Variants in MCMBP observed in about 807,000 individuals in gnomAD.
MCMBP encodes mini-chromosome maintenance complex-binding protein.
A neutral mutation model predicts 81.3 loss-of-function variants in MCMBP; 31 were observed. The ratio of observed to expected loss-of-function variants is 0.38; its 90% CI spans 0.29 to 0.51. MCMBP has a LOEUF of 0.51. Ranked by LOEUF, MCMBP falls within the 20% of genes least tolerant of loss-of-function variation. The pLI, the probability that MCMBP is intolerant of heterozygous loss-of-function variation, is 0.87. For missense variants in MCMBP, 645 were observed against 772.1 expected, an observed-to-expected ratio of 0.84 and a Z score of 1.95; for synonymous variants, 267 against 275.9, an observed-to-expected ratio of 0.97 and a Z score of 0.32.
chr10:119,873,040 A>ACGGGCTCCAAGGGCGG (rs1192768623), upstream of MCMBP, among the ~76,000 whole-genome samples: 14 of 151,504 alleles, frequency 9.2e-5, no homozygotes, highest in Non-Finnish European at 8.8e-5. Context: ...GGGCCCGGCG[A>ACGGGCTCCAAGGGCGG]CGCGCTCCAA....
At chr10:119,868,244 G>T (rs1853542514) in intron 1 of MCMBP, among the ~76,000 whole-genome samples, 1 of 152,118 alleles carries the variant, frequency 6.6e-6, no homozygotes, top group African/African-American at 2.4e-5. Context: ...TGGCCAACAT[G>T]GCAAAACCCT....
intron 1 of MCMBP, among the ~76,000 whole-genome samples, chr10:119,871,505 A>C (rs1342269339): frequency 1.3e-5 from 2 of 152,212 alleles, no homozygotes; most frequent in Non-Finnish European, 2.9e-5. Context: ...TTACAGGTAA[A>C]TTAATAAGGA....
At chr10:119,861,132 A>G (rs751103086) in intron 1 of MCMBP, among the ~76,000 whole-genome samples, 6 of 152,204 alleles carry the variant, frequency 3.9e-5, no homozygotes, top group Non-Finnish European at 8.8e-5. Context: ...GATTTGGAGT[A>G]AAAAATAAAA....
chr10:119,841,760 C>T (rs1305402894), intron 10 of MCMBP, among the ~76,000 whole-genome samples: 1 of 152,184 alleles, frequency 6.6e-6, no homozygotes, highest in Non-Finnish European at 1.5e-5. Flanking sequence ...AAATGAGAAA[C>T]AAAGAAATAC....
At position 119,838,097 on chromosome 10, in the gene MCMBP, A is replaced by G. The variant is rs77984039; in HGVS notation, c.1408+438T>C. On this transcript the variant is annotated intron_variant, in intron 12 of 15. Transcript: ENST00000369077. ...CTGTAGGCCCATAAAGACTGCTCCA[A>G]CCATTCGCTGACACAATAAAACTTT... Among the ~76,000 whole-genome samples the G allele has an allele frequency of 1.1e-4, 17 of 151,982 alleles. 1 individual carries two copies. In the East Asian group the frequency reaches 3.3e-3, roughly 29 times the overall value.
In MCMBP at chr10:119,835,780, T is replaced by C; in HGVS notation, c.1543-76A>G. On this transcript the variant is annotated intron_variant, in intron 13 of 15. Transcript: ENST00000369077. ...CATTTTTAAAGAAAGATGCATCATC[T>C]CTGTCAGCCCCTATGGGAATTAGAA... The C allele has an allele frequency of 3.4e-6, 5 of 1,451,086 alleles. No individual in the cohort carries two copies. The South Asian group carries it at 4.7e-5, about 14-fold the overall frequency. The allele number at this position is 1,451,086 out of a possible 1,614,324, so 89.9% of individuals were successfully genotyped here.
At chr10:119,863,426 G>T (rs150667351) in intron 1 of MCMBP, among the ~76,000 whole-genome samples, 1 of 152,052 alleles carries the variant, frequency 6.6e-6, no homozygotes, top group African/African-American at 2.4e-5. Flanking sequence ...ATTAGCTTTT[G>T]TATCTTTATT....
chr10:119,838,242 T>C (rs1053049343), intron 12 of MCMBP, among the ~76,000 whole-genome samples: 1 of 148,268 alleles, frequency 6.7e-6, no homozygotes, highest in African/African-American at 2.5e-5. Context: ...ATATATAATA[T>C]ATGATATATA....
chr10:119,848,334 G>A (rs1317853454), intron 7 of MCMBP, among the ~76,000 whole-genome samples: 1 of 152,122 alleles, frequency 6.6e-6, no homozygotes, highest in Admixed American at 6.6e-5. Context: ...CTGAGAATCT[G>A]GGTGCAGTGG....
intron 5 of MCMBP, among the ~76,000 whole-genome samples, chr10:119,854,937 A>G (rs943097886): frequency 2.0e-5 from 3 of 150,704 alleles, no homozygotes; most frequent in African/African-American, 7.3e-5. Flanking sequence ...CTGGTGACAG[A>G]GCAGGACTCT....
At chr10:119,833,144 A>AT (rs1465137725) in intron 14 of MCMBP, among the ~76,000 whole-genome samples, 1 of 152,198 alleles carries the variant, frequency 6.6e-6, no homozygotes, top group Non-Finnish European at 1.5e-5. Flanking sequence ...ATTTAAGGAA[A>AT]TTTCTTTCCA....
At chr10:119,843,724 C>T (rs1236419138) in intron 8 of MCMBP, among the ~76,000 whole-genome samples, 5 of 151,772 alleles carry the variant, frequency 3.3e-5, no homozygotes, top group African/African-American at 2.4e-5. Context: ...TGCAGTGATG[C>T]GATCTTGGCT....
At chr10:119,854,017 A>G (rs920550326) in intron 5 of MCMBP, among the ~76,000 whole-genome samples, 1 of 151,220 alleles carries the variant, frequency 6.6e-6, no homozygotes, top group African/African-American at 2.4e-5. Flanking sequence ...TGGGCAACAC[A>G]GTGAGAACTC....
chr10:119,835,462 C>T, intron 14 of MCMBP, 78 bp downstream of exon 14: 1 of 1,208,042 alleles, frequency 8.3e-7, no homozygotes, highest in East Asian at 2.5e-5. Flanking sequence ...ATTACCTTAT[C>T]AGTAATTATG....
At chr10:119,846,399 C>T (rs1449171675) in intron 8 of MCMBP, among the ~76,000 whole-genome samples, 5 of 152,034 alleles carry the variant, frequency 3.3e-5, no homozygotes, top group African/African-American at 4.8e-5. Context: ...AAATGTACTG[C>T]GTTAGAAAAT....
At chr10:119,847,249 G>A (rs1283965647) in intron 8 of MCMBP, among the ~76,000 whole-genome samples, 1 of 152,154 alleles carries the variant, frequency 6.6e-6, no homozygotes, top group African/African-American at 2.4e-5. Context: ...GAAAGAACAT[G>A]ATTAAGACAA....
intron 7 of MCMBP, 137 bp from the exon 8 acceptor site, chr10:119,847,850 T>A: frequency 2.1e-6 from 1 of 477,074 alleles, no homozygotes; most frequent in Non-Finnish European, 3.6e-6. Context: ...TAAATTTTTA[T>A]AAATTGAGAC....
At chr10:119,839,683 G>T (rs1017191231) in intron 11 of MCMBP, among the ~76,000 whole-genome samples, 22 of 152,152 alleles carry the variant, frequency 1.4e-4, no homozygotes, top group African/African-American at 5.3e-4. Context: ...TTCAATGTGC[G>T]AGACTAATGA....
At position 119,838,807 on chromosome 10, in the gene MCMBP, A is replaced by G. The variant is rs1271099511; in HGVS notation, c.1243-107T>C. Reference sequence around the variant, plus strand: ...TTTCATATGGAAAAAGTGATCTTATAAATTTCTAAGGGAGTAGTGATATGG... The same window carrying G: ...TTTCATATGGAAAAAGTGATCTTATGAATTTCTAAGGGAGTAGTGATATGG... On this transcript the variant is annotated intron_variant, in intron 11 of 15. Transcript: ENST00000369077. 4.8e-6 allele frequency: 5 copies of G among 1,032,648 alleles called. No homozygotes were observed. In the Admixed American group the frequency reaches 8.1e-5, roughly 17 times the overall value. 64.0% of individuals were successfully genotyped at this position (1,032,648 alleles called of 1,614,324 possible). A position where few individuals can be genotyped will look rare whatever the true frequency, so the allele number is the denominator to read the frequency against.
Sources: allele counts gnomAD v4.1 joint callset (sites outside exome capture counted in the v4.1 genomes callset), GRCh38; gene constraint gnomAD v4.1.1; transcripts MANE v1.5; gene names NCBI Gene and HGNC (gene_info 2026-07-23, HGNC 2026-07-21).